Variants in YEATS4 observed in about 807,000 individuals in gnomAD.
The protein encoded by YEATS4 is YEATS domain containing 4, also known as YEATS domain-containing protein 4.
In YEATS4, 17 loss-of-function variants were observed where a neutral mutation model predicts 30.1. The observed-to-expected ratio is 0.56, with a 90% CI of 0.39 to 0.85. The LOEUF (loss-of-function observed/expected upper bound fraction) is 0.85, where lower values mean the gene tolerates loss of function less well. Among genes scored for constraint, YEATS4 ranks in the 40% least tolerant of loss-of-function variants. YEATS4 has a pLI of 0.00. For missense variants in YEATS4, 142 were observed against 268.3 expected (o/e 0.53, Z 3.29); for synonymous variants, 85 against 87.5 (o/e 0.97, Z 0.16).
At chr12:69,417,607 A>G in the YEATS4 span, among the ~76,000 whole-genome samples, 3 of 152,276 alleles carry the variant, frequency 2.0e-5, no homozygotes, top group African/African-American at 7.2e-5. Flanking sequence ...CAGAAGTCTA[A>G]TTATTTGTGT....
chr12:69,422,165 C>T, the YEATS4 span, among the ~76,000 whole-genome samples: 1 of 152,026 alleles, frequency 6.6e-6, no homozygotes, highest in Admixed American at 6.6e-5. Flanking sequence ...AGAAGGGAGA[C>T]CTTTTCCTTT....
At chr12:69,374,964 G>A (rs1189163637) in intron 6 of YEATS4, among the ~76,000 whole-genome samples, 2 of 150,574 alleles carry the variant, frequency 1.3e-5, no homozygotes, top group African/African-American at 2.4e-5. Context: ...GCCGGGCAGG[G>A]GCGCCCCCCA....
At chr12:69,369,798 G>C (rs1340136644) in intron 4 of YEATS4, among the ~76,000 whole-genome samples, 1 of 152,044 alleles carries the variant, frequency 6.6e-6, no homozygotes, top group African/African-American at 2.4e-5. Context: ...TACATTCTTA[G>C]TGCATCATCT....
chr12:69,373,200 T>C (rs962236331), intron 6 of YEATS4, among the ~76,000 whole-genome samples: 2 of 152,242 alleles, frequency 1.3e-5, no homozygotes, highest in African/African-American at 4.8e-5. Flanking sequence ...TTTTTGTTTT[T>C]TGAGGAATCT....
chr12:69,362,377 C>T (rs1439646438), intron 1 of YEATS4, among the ~76,000 whole-genome samples: 1 of 152,136 alleles, frequency 6.6e-6, no homozygotes, highest in Non-Finnish European at 1.5e-5. Context: ...TTCTACCTCT[C>T]ACAAATTACT....
At chr12:69,385,420 A>G (rs1876237126) in intron 6 of YEATS4, among the ~76,000 whole-genome samples, 1 of 152,218 alleles carries the variant, frequency 6.6e-6, no homozygotes, top group Non-Finnish European at 1.5e-5. Flanking sequence ...GGCATATGAT[A>G]GTCAATATTT....
At chr12:69,398,320 C>CAA in the YEATS4 span, among the ~76,000 whole-genome samples, 4 of 150,476 alleles carry the variant, frequency 2.7e-5, no homozygotes, top group African/African-American at 9.8e-5. Context: ...CACACACACA[C>CAA]ACAAAAAAAC....
the YEATS4 span, among the ~76,000 whole-genome samples, chr12:69,424,988 C>T: frequency 2.0e-4 from 30 of 152,180 alleles, no homozygotes; most frequent in African/African-American, 6.5e-4. Flanking sequence ...GGCTCGATCT[C>T]GGCTCACCAC....
At chr12:69,369,716 G>A (rs1875570467) in intron 4 of YEATS4, among the ~76,000 whole-genome samples, 1 of 152,160 alleles carries the variant, frequency 6.6e-6, no homozygotes, top group South Asian at 2.1e-4. Context: ...TAAATAATTT[G>A]ATATGTAATT....
the YEATS4 span, among the ~76,000 whole-genome samples, chr12:69,425,970 G>A: frequency 6.6e-6 from 1 of 152,208 alleles, no homozygotes; most frequent in Non-Finnish European, 1.5e-5. Context: ...TAGGCCAGGT[G>A]TGGTGGTTCA....
downstream of YEATS4, among the ~76,000 whole-genome samples, chr12:69,393,262 G>A (rs1247205894): frequency 6.6e-6 from 1 of 152,104 alleles, no homozygotes; most frequent in Non-Finnish European, 1.5e-5. Context: ...GTCACATAGT[G>A]AGACCTGGTC....
At chr12:69,408,502 G>A in the YEATS4 span, among the ~76,000 whole-genome samples, 493 of 152,340 alleles carry the variant, frequency 3.2e-3, 3 homozygotes, top group African/African-American at 0.011. Flanking sequence ...GTGTGTGCAT[G>A]CATGTGTTTG....
chr12:69,371,607 C>G (rs2120958891), intron 6 of YEATS4, among the ~76,000 whole-genome samples: 1 of 152,292 alleles, frequency 6.6e-6, no homozygotes, highest in East Asian at 1.9e-4. Context: ...TTTGATTATT[C>G]ATTCATTACA....
the YEATS4 span, among the ~76,000 whole-genome samples, chr12:69,417,156 T>A: frequency 4.7e-5 from 3 of 63,182 alleles, no homozygotes; most frequent in Admixed American, 1.5e-4. Context: ...TTTTAAAAAT[T>A]TTTTTTTTTT....
chr12:69,423,857 C>CT, the YEATS4 span, among the ~76,000 whole-genome samples: 1 of 152,152 alleles, frequency 6.6e-6, no homozygotes, highest in Non-Finnish European at 1.5e-5. Flanking sequence ...ACTAATTAAT[C>CT]TAGGGTGGGG....
chr12:69,378,189 CT>C lies in YEATS4; in HGVS notation c.514+7223del, dbSNP rs556354669. 4.6e-5 allele frequency among the ~76,000 whole-genome samples: 7 copies of C among 151,276 alleles called. No homozygotes were observed. In the South Asian group the frequency reaches 1.3e-3, roughly 27 times the overall value. On this transcript the variant is annotated intron_variant, in intron 6 of 6. Transcript: ENST00000247843. ...TCTTTTTTGATTTTGCATGCAATATCTTTTTTTTTCATTTGCATGCAATATC... is the reference window on the plus strand; with the variant it reads ...TCTTTTTTGATTTTGCATGCAATATCTTTTTTTTCATTTGCATGCAATATC...
At chr12:69,412,344 A>C in the YEATS4 span, among the ~76,000 whole-genome samples, 1 of 151,916 alleles carries the variant, frequency 6.6e-6, no homozygotes, top group Non-Finnish European at 1.5e-5. Context: ...AGGTGCCACT[A>C]TTGTCCCCAT....
At chr12:69,373,134 T>G (rs1429045122) in intron 6 of YEATS4, among the ~76,000 whole-genome samples, 1 of 152,240 alleles carries the variant, frequency 6.6e-6, no homozygotes, top group African/African-American at 2.4e-5. Context: ...ATATACTGAC[T>G]TATTTTCTTT....
At chr12:69,374,905 G>A (rs1875788472) in intron 6 of YEATS4, among the ~76,000 whole-genome samples, 3 of 152,264 alleles carry the variant, frequency 2.0e-5, no homozygotes, top group Admixed American at 2.0e-4. Flanking sequence ...ACACCTCCCA[G>A]ACGGGGTGGC....
Sources: allele counts gnomAD v4.1 joint callset (sites outside exome capture counted in the v4.1 genomes callset), GRCh38; gene constraint gnomAD v4.1.1; transcripts MANE v1.5; gene names NCBI Gene and HGNC (gene_info 2026-07-23, HGNC 2026-07-21).